The following FBXL7 variants were observed in gnomAD, a reference collection of about 807,000 sequenced individuals.
The protein encoded by FBXL7 is F-box/LRR-repeat protein 7.
A neutral mutation model predicts 38.3 loss-of-function variants in FBXL7; 12 were observed. The observed-to-expected ratio is 0.31, with a 90% CI of 0.20 to 0.51. FBXL7 has a LOEUF of 0.51. FBXL7 is among the 20% of genes least tolerant of loss of function. The pLI is 0.98. For missense variants in FBXL7, 567 were observed against 676.4 expected (o/e 0.84, Z 1.79); for synonymous variants, 297 against 300.9 (o/e 0.99, Z 0.13).
At chr5:15,535,037 G>A (rs569149604) in intron 1 of FBXL7, among the ~76,000 whole-genome samples, 1 of 152,288 alleles carries the variant, frequency 6.6e-6, no homozygotes, top group Admixed American at 6.5e-5. Flanking sequence ...AAAAGTGTTT[G>A]GCAGTTAACC....
chr5:15,736,475 A>T (rs1047620297), intron 2 of FBXL7, among the ~76,000 whole-genome samples: 5 of 152,218 alleles, frequency 3.3e-5, no homozygotes, highest in East Asian at 3.8e-4. Flanking sequence ...GATTTTTCTT[A>T]TAAGTTTCAA....
At chr5:15,931,552 A>G (rs535715255) in intron 3 of FBXL7, among the ~76,000 whole-genome samples, 25 of 152,226 alleles carry the variant, frequency 1.6e-4, no homozygotes, top group African/African-American at 4.6e-4. Context: ...GTTTCAAACT[A>G]CAAGTCTAAC....
chr5:15,529,218 A>G (rs1250184044), intron 1 of FBXL7, among the ~76,000 whole-genome samples: 2 of 152,172 alleles, frequency 1.3e-5, no homozygotes, highest in African/African-American at 4.8e-5. Context: ...ATATTCTCCA[A>G]GTTTATTCGT....
chr5:15,919,651 T>G (rs1224284205), intron 2 of FBXL7, among the ~76,000 whole-genome samples: 1 of 152,210 alleles, frequency 6.6e-6, no homozygotes, highest in African/African-American at 2.4e-5. Context: ...ATATTTGAGT[T>G]AAGGATCATC....
chr5:15,771,661 C>T (rs1736729948), intron 2 of FBXL7, among the ~76,000 whole-genome samples: 1 of 151,902 alleles, frequency 6.6e-6, no homozygotes, highest in Non-Finnish European at 1.5e-5. Flanking sequence ...TACTGAGGTA[C>T]AGTCTGACAT....
chr5:15,694,812 C>CA (rs1392050984), intron 2 of FBXL7, among the ~76,000 whole-genome samples: 1 of 151,668 alleles, frequency 6.6e-6, no homozygotes. Flanking sequence ...CTAAAGGGAA[C>CA]AAAAAAAAGA....
intron 1 of FBXL7, among the ~76,000 whole-genome samples, chr5:15,609,248 C>T (rs777732777): frequency 1.1e-4 from 16 of 152,138 alleles, no homozygotes; most frequent in Non-Finnish European, 1.8e-4. Flanking sequence ...GAGGTCAAGC[C>T]GCTGCCTGCT....
chr5:15,547,783 G>A (rs1737956993), intron 1 of FBXL7, among the ~76,000 whole-genome samples: 1 of 152,200 alleles, frequency 6.6e-6, no homozygotes, highest in Non-Finnish European at 1.5e-5. Flanking sequence ...CTTGCCTCAG[G>A]ATGGTGTATC....
intron 2 of FBXL7, among the ~76,000 whole-genome samples, chr5:15,709,024 TG>T (rs1205633100): frequency 2.0e-5 from 3 of 152,180 alleles, no homozygotes; most frequent in African/African-American, 7.2e-5. Flanking sequence ...ATGACATTGT[TG>T]GGTCTCTGAA....
rs17647490 is a variant in FBXL7, at chr5:15,628,465, A to G, written c.127+12393A>G. Among the ~76,000 whole-genome samples, 3,192 of 152,282 alleles carry G rather than the reference A, an allele frequency of 0.021. 367 individuals carry two copies. In the East Asian group the frequency reaches 0.36, roughly 17 times the overall value. On this transcript the variant is annotated intron_variant, in intron 2 of 3. Coordinates refer to ENST00000504595, the MANE Select transcript of FBXL7 (RefSeq NM_012304.5). ...GTCCCTGAAATCTTTAGTCAAGTCT[A>G]TGAAACTCACAACATGCTTGGTGGG...
intron 2 of FBXL7, among the ~76,000 whole-genome samples, chr5:15,822,242 G>C (rs1738190286): frequency 6.6e-6 from 1 of 150,920 alleles, no homozygotes; most frequent in Non-Finnish European, 1.5e-5. Context: ...CGTGCCTATA[G>C]TCCCAGCTAC....
chr5:15,777,720 T>TAAAAAAAAAAAAAAAAAAAAAA (rs371293320), intron 2 of FBXL7, among the ~76,000 whole-genome samples: 7 of 82,514 alleles, frequency 8.5e-5, no homozygotes, highest in African/African-American at 2.3e-4. Flanking sequence ...CCTATTCTGG[T>TAAAAAAAAAAAAAAAAAAAAAA]AAAAAAAAAA....
At chr5:15,524,365 G>A (rs145611408) in intron 1 of FBXL7, among the ~76,000 whole-genome samples, 15 of 152,118 alleles carry the variant, frequency 9.9e-5, no homozygotes, top group Admixed American at 2.0e-4. Context: ...TTCTTGGGGG[G>A]GCTGAAGGGC....
chr5:15,933,383 G>A (rs1742091114), intron 3 of FBXL7, among the ~76,000 whole-genome samples: 1 of 152,124 alleles, frequency 6.6e-6, no homozygotes, highest in African/African-American at 2.4e-5. Context: ...CTAAAGAAAG[G>A]AAACTAGAAC....
chr5:15,781,035 T>C (rs955101010), intron 2 of FBXL7, among the ~76,000 whole-genome samples: 1 of 152,214 alleles, frequency 6.6e-6, no homozygotes, highest in African/African-American at 2.4e-5. Flanking sequence ...TTCTAAGATA[T>C]GCTGTGGATG....
rs1002933684 is a variant in FBXL7, at chr5:15,938,942, C to G, written c.*1756C>G. ...GTTGAAATCCCTCATTTATTTTCTT[C>G]TCAAAATGCCCATTATCCAAATGCA... On this transcript the variant is annotated 3_prime_UTR_variant, in exon 4 of 4. Transcript: ENST00000504595. 2 of 398,902 alleles carry G rather than the reference C, an allele frequency of 5.0e-6. No homozygotes were observed. The highest frequency in any genetic ancestry group is 4.1e-5 in the African/African-American group (2 of 48,630). 24.7% of individuals were successfully genotyped at this position (398,902 alleles called of 1,614,324 possible).
chr5:15,725,400 G>A (rs532039363), intron 2 of FBXL7, among the ~76,000 whole-genome samples: 2 of 152,054 alleles, frequency 1.3e-5, no homozygotes, highest in East Asian at 3.9e-4. Context: ...GATCCACTGG[G>A]TTATTTAAGA....
At chr5:15,805,285 AG>A (rs965524292) in intron 2 of FBXL7, among the ~76,000 whole-genome samples, 4 of 152,292 alleles carry the variant, frequency 2.6e-5, no homozygotes, top group African/African-American at 9.6e-5. Flanking sequence ...GAGACAGAAT[AG>A]AGAAGGGTGT....
At chr5:15,561,178 T>G (rs1481371354) in intron 1 of FBXL7, among the ~76,000 whole-genome samples, 4 of 152,174 alleles carry the variant, frequency 2.6e-5, no homozygotes, top group Admixed American at 2.6e-4. Context: ...ATCTCTAGAC[T>G]TCATCTGCTA....
Sources: allele counts gnomAD v4.1 joint callset (sites outside exome capture counted in the v4.1 genomes callset), GRCh38; gene constraint gnomAD v4.1.1; transcripts MANE v1.5; gene names NCBI Gene and HGNC (gene_info 2026-07-23, HGNC 2026-07-21).